The following PDE4D variants were observed in gnomAD, a reference collection of about 807,000 sequenced individuals.
PDE4D encodes 3',5'-cyclic-AMP phosphodiesterase 4D.
In PDE4D, 24 loss-of-function variants were observed where a neutral mutation model predicts 87.4. That is an observed-to-expected ratio of 0.27 (90% CI 0.20 to 0.39). PDE4D has a LOEUF of 0.39. PDE4D is among the 10% of genes least tolerant of loss of function. PDE4D has a pLI of 1.00. For missense variants in PDE4D, 714 were observed against 1,041.0 expected, an observed-to-expected ratio of 0.69 and a Z score of 4.32; for synonymous variants, 384 against 383.2, an observed-to-expected ratio of 1.00 and a Z score of -0.02.
intron 1 of PDE4D, among the ~76,000 whole-genome samples, chr5:59,245,232 G>A (rs1043011801): frequency 6.6e-6 from 1 of 152,066 alleles, no homozygotes; most frequent in African/African-American, 2.4e-5. Flanking sequence ...GGGTACACAA[G>A]GACATGTTGG....
chr5:59,388,284 A>G (rs1787504083), intron 1 of PDE4D, among the ~76,000 whole-genome samples: 1 of 152,154 alleles, frequency 6.6e-6, no homozygotes, highest in African/African-American at 2.4e-5. Flanking sequence ...AATCAAGGAA[A>G]TGCAAACTAA....
At chr5:59,334,700 T>C (rs1358581020) in intron 1 of PDE4D, among the ~76,000 whole-genome samples, 1 of 152,124 alleles carries the variant, frequency 6.6e-6, no homozygotes, top group African/African-American at 2.4e-5. Context: ...TTGTTTTACT[T>C]AGGTTTGTAG....
chr5:59,842,888 T>G (rs16890279), intron 1 of PDE4D, among the ~76,000 whole-genome samples: 14,002 of 151,982 alleles, frequency 0.092, 1,993 homozygotes, highest in African/African-American at 0.31. Flanking sequence ...AAAACTAGCA[T>G]CACAATGATT....
chr5:60,081,973 T>C (rs1774015681), intron 2 of PDE4D, among the ~76,000 whole-genome samples: 1 of 152,194 alleles, frequency 6.6e-6, no homozygotes, highest in African/African-American at 2.4e-5. Flanking sequence ...TACATCTTTT[T>C]CTTCCTTCTT....
chr5:59,170,458 A>C (rs1782582448), intron 5 of PDE4D, among the ~76,000 whole-genome samples: 2 of 152,222 alleles, frequency 1.3e-5, no homozygotes, highest in Admixed American at 1.3e-4. Context: ...CATAATATTG[A>C]AATATTGTTA....
At chr5:60,432,980 G>A (rs1210880429) in intron 1 of PDE4D, among the ~76,000 whole-genome samples, 1 of 152,140 alleles carries the variant, frequency 6.6e-6, no homozygotes, top group African/African-American at 2.4e-5. Flanking sequence ...AAAAACCATT[G>A]AAGAAAACCT....
intron 1 of PDE4D, among the ~76,000 whole-genome samples, chr5:59,710,265 A>C (rs911058873): frequency 6.6e-6 from 1 of 152,172 alleles, no homozygotes; most frequent in Non-Finnish European, 1.5e-5. Context: ...GTTTAGCCGA[A>C]AGTACAGGAA....
Position 59,376,393 on chromosome 5 carries a change from G to A in PDE4D, c.456-160425C>T, listed in dbSNP as rs148075076. Among the ~76,000 whole-genome samples, 32 of 152,218 alleles carry A rather than the reference G, an allele frequency of 2.1e-4. 1 individual carries two copies. The East Asian group carries it at 6.2e-3, about 29-fold the overall frequency. ...CTAGCATTCCTACACACCAACAATAGTCAAGCTGAGAGCCAAATCAGGAAT... is the reference window on the plus strand; with the variant it reads ...CTAGCATTCCTACACACCAACAATAATCAAGCTGAGAGCCAAATCAGGAAT... On this transcript the variant is annotated intron_variant, in intron 1 of 14. Coordinates refer to ENST00000340635, the MANE Select transcript of PDE4D (RefSeq NM_001104631.2).
chr5:59,903,445 G>T (rs1028731326), intron 3 of PDE4D, among the ~76,000 whole-genome samples: 1 of 152,016 alleles, frequency 6.6e-6, no homozygotes, highest in South Asian at 2.1e-4. Context: ...TGAGGCACTC[G>T]TCTAATGTTT....
intron 1 of PDE4D, among the ~76,000 whole-genome samples, chr5:60,193,689 A>AAAG (rs1554183270): frequency 1.4e-5 from 2 of 147,046 alleles, no homozygotes; most frequent in African/African-American, 5.1e-5. Flanking sequence ...AAAAAAAAAA[A>AAAG]AAAGAAAGAA....
chr5:60,320,027 A>T (rs981065847), intron 1 of PDE4D, among the ~76,000 whole-genome samples: 2 of 152,178 alleles, frequency 1.3e-5, no homozygotes, highest in Non-Finnish European at 2.9e-5. Flanking sequence ...AGGGACATTT[A>T]AGTCTGCAGA....
At chr5:59,123,816 G>C (rs1308075097) in intron 5 of PDE4D, among the ~76,000 whole-genome samples, 1 of 152,174 alleles carries the variant, frequency 6.6e-6, no homozygotes, top group Non-Finnish European at 1.5e-5. Context: ...GTGGTTAAAA[G>C]CAAGTCTGTG....
chr5:59,415,268 TAC>T (rs1192218180), intron 1 of PDE4D, among the ~76,000 whole-genome samples: 7 of 152,026 alleles, frequency 4.6e-5, no homozygotes, highest in African/African-American at 1.7e-4. Context: ...TGAAGAAAAA[TAC>T]GGGATTTTCT....
chr5:59,086,566 C>G (rs904119740), intron 5 of PDE4D, among the ~76,000 whole-genome samples: 19 of 152,112 alleles, frequency 1.2e-4, no homozygotes, highest in Non-Finnish European at 2.5e-4. Context: ...AACTACAATA[C>G]CTACCTACCA....
chr5:60,318,123 C>G (rs1755818721), intron 1 of PDE4D, among the ~76,000 whole-genome samples: 1 of 152,146 alleles, frequency 6.6e-6, no homozygotes, highest in African/African-American at 2.4e-5. Context: ...GCGTCTAAGT[C>G]TCTTTCTAGG....
intron 1 of PDE4D, among the ~76,000 whole-genome samples, chr5:60,425,472 C>T (rs1170314436): frequency 6.6e-6 from 1 of 152,164 alleles, no homozygotes. Context: ...GGAAAACTGG[C>T]TAGCCATATG....
chr5:59,128,305 G>C (rs997751992), intron 5 of PDE4D, among the ~76,000 whole-genome samples: 2 of 151,972 alleles, frequency 1.3e-5, no homozygotes, highest in African/African-American at 2.4e-5. Context: ...AGGAGGTTGG[G>C]AGGAGAAGGA....
At chr5:59,684,472 G>T (rs1407349664) in intron 1 of PDE4D, among the ~76,000 whole-genome samples, 1 of 152,098 alleles carries the variant, frequency 6.6e-6, no homozygotes, top group Admixed American at 6.5e-5. Flanking sequence ...TTACAAAAGA[G>T]AATGGTAATT....
At chr5:59,030,127 A>C (rs1757073816) in intron 6 of PDE4D, among the ~76,000 whole-genome samples, 1 of 152,146 alleles carries the variant, frequency 6.6e-6, no homozygotes, top group Non-Finnish European at 1.5e-5. Context: ...TGGTCTGGGC[A>C]ATGATTTCTT....
Sources: allele counts gnomAD v4.1 joint callset (sites outside exome capture counted in the v4.1 genomes callset), GRCh38; gene constraint gnomAD v4.1.1; transcripts MANE v1.5; gene names NCBI Gene and HGNC (gene_info 2026-07-23, HGNC 2026-07-21).